SLC11A1: variants seen among roughly 807,000 people sequenced by gnomAD.
SLC11A1 encodes the protein natural resistance-associated macrophage protein 1.
In SLC11A1, 59 loss-of-function variants were observed where a neutral mutation model predicts 63.2. The observed-to-expected ratio is 0.93, with a 90% CI of 0.76 to 1.16. The LOEUF (loss-of-function observed/expected upper bound fraction) is 1.16. Ranked by LOEUF, SLC11A1 falls within the 50% of genes most tolerant of loss-of-function variation. The probability of loss-of-function intolerance (pLI) is 0.00; values close to 1 mark genes in which losing one functional copy is unlikely to be tolerated. For synonymous variants in SLC11A1, 305 were observed against 307.8 expected, an observed-to-expected ratio of 0.99 and a Z score of 0.09; for missense variants, 688 against 730.7, an observed-to-expected ratio of 0.94 and a Z score of 0.67.
intron 1 of SLC11A1, 116 bp from the exon 2 acceptor site, chr2:218,382,844 C>A: frequency 1.5e-6 from 2 of 1,318,248 alleles, no homozygotes; most frequent in Non-Finnish European, 1.1e-6. Context: ...AAGATGGGGG[C>A]CAGGGACCTT....
At position 218,384,914 on chromosome 2, in the gene SLC11A1, G is replaced by A. The variant is rs1695996336; in HGVS notation, c.274-233G>A. 2 of 475,978 alleles carry A rather than the reference G, an allele frequency of 4.2e-6. No homozygotes were observed. The highest frequency in any genetic ancestry group is 4.2e-5 in the South Asian group (2 of 47,972). The allele number at this position is 475,978 out of a possible 1,614,324, so 29.5% of individuals were successfully genotyped here. A position where few individuals can be genotyped will look rare whatever the true frequency, so the allele number is the denominator to read the frequency against. The stretch of plus-strand genomic sequence containing the variant: ...ATTTATTTATTTATTTAGAGATGGG[G>A]GTCTCACTATGTTGCTCAGGCTGCT... On this transcript the variant is annotated intron_variant, in intron 3 of 14. Coordinates refer to ENST00000233202, the MANE Select transcript of SLC11A1 (RefSeq NM_000578.4). This position sits in a 1 kb window ranked among gnomAD's most constrained non-coding sequence, Gnocchi z 4.0.
At chr2:218,388,168 C>T in intron 8 of SLC11A1, 2 of 567,928 alleles carry the variant, frequency 3.5e-6, no homozygotes, top group South Asian at 2.2e-5. Context: ...AAGAGATCGA[C>T]ACCATCCTGG....
intron 12 of SLC11A1, 122 bp from the exon 13 acceptor site, chr2:218,393,998 T>C (rs1317601968): frequency 1.2e-6 from 1 of 847,498 alleles, no homozygotes; most frequent in Non-Finnish European, 1.8e-6. Flanking sequence ...GTAGGCTCAG[T>C]GTGGTTAGGG....
At chr2:218,385,085 G>A (rs1462366019) in intron 3 of SLC11A1, 62 bp from the exon 4 acceptor site, 6 of 1,604,366 alleles carry the variant, frequency 3.7e-6, no homozygotes, top group Admixed American at 1.7e-5. Context: ...AGGGTACCAC[G>A]AGCTCAGGGG....
intron 4 of SLC11A1, 63 bp from the exon 5 acceptor site, chr2:218,386,572 T>C (rs1696116149): frequency 3.5e-6 from 4 of 1,133,568 alleles, no homozygotes; most frequent in Non-Finnish European, 5.2e-6. Flanking sequence ...CAGACAAATG[T>C]AGTCTGAGAC....
At chr2:218,394,541 C>G (rs1322319024) in intron 13 of SLC11A1, 91 bp from the exon 14 acceptor site, 1 of 1,419,702 alleles carries the variant, frequency 7.0e-7, no homozygotes, top group African/African-American at 1.4e-5. Context: ...TGTATCCCCA[C>G]CCCCAGTGTG....
chr2:218,392,968 A>T lies in SLC11A1; in HGVS notation c.1165-13A>T. 6.3e-7 allele frequency: 1 copy of T among 1,578,900 alleles called. No individual in the cohort carries two copies. Among genetic ancestry groups the T allele is most frequent in the African/African-American group, 1.4e-5 (1 of 73,184 alleles). Reference sequence around the variant, plus strand: ...CTGTCTACTCCTCACCAAGGAGTTCACCCCCACCCCAGGGCTTCCTGAGGC... The same window carrying T: ...CTGTCTACTCCTCACCAAGGAGTTCTCCCCCACCCCAGGGCTTCCTGAGGC... On this transcript the variant is annotated splice_polypyrimidine_tract_variant and intron_variant, in intron 11 of 14. Transcript: ENST00000233202.
Position 218,385,184 on chromosome 2 carries a change from T to C in SLC11A1, c.311T>C (p.Leu104Ser). Reference protein sequence around the residue: ...WVLLWATVLGLLCQRLAARLG... With the variant: ...WVLLWATVLGSLCQRLAARLG... ...CTGCTCTGGGCCACCGTGTTGGGCT[T>C]GCTCTGCCAGCGACTGGCTGCACGT... is the stretch of plus-strand genomic sequence containing the variant. Residue 104 changes from leucine to serine, a missense_variant, in exon 4 of 15, where the codon TTG becomes TCG. Physicochemically the swap from Leu to Ser is moderately radical, Grantham distance 145. Coordinates refer to ENST00000233202, the MANE Select transcript of SLC11A1 (RefSeq NM_000578.4). 6.2e-7 allele frequency: 1 copy of C among 1,614,046 alleles called. No individual in the cohort carries two copies.
At position 218,384,235 on chromosome 2, in the gene SLC11A1, C is replaced by A. The variant is rs974444906; in HGVS notation, c.151-8C>A. On this transcript the variant is annotated splice_polypyrimidine_tract_variant and splice_region_variant and intron_variant, in intron 2 of 14. Transcript: ENST00000233202. This position sits in a 1 kb window ranked among gnomAD's most constrained non-coding sequence, Gnocchi z 4.0. ...CCCCCTCACTCTACTCCTCCCACCC[C>A]CCAACAGGGCACCTTCAGCCTGCGG... 1 of 1,589,816 alleles carries A rather than the reference C, an allele frequency of 6.3e-7. No homozygotes were observed. The highest frequency in any genetic ancestry group is 1.3e-5 in the African/African-American group (1 of 74,498).
Position 218,394,164 on chromosome 2 carries a change from CA to C in SLC11A1, c.1360del (p.Thr454ProfsTer11). The C allele has an allele frequency of 6.2e-7, 1 of 1,614,178 alleles. No homozygotes were observed. Among genetic ancestry groups the C allele is most frequent in the East Asian group, 2.2e-5 (1 of 44,886 alleles). On this transcript the variant is annotated frameshift_variant, in exon 13 of 15. Transcript: ENST00000233202. LOFTEE classifies it high-confidence loss of function. Reference protein sequence around the residue: ...LPILTFTSMPTLMQEFANGLL... With the variant: ...LPILTFTSMPXLMQEFANGLL... ...CCATCCTCACGTTCACCAGCATGCC[CA>C]CCCTCATGCAGGAGTTTGCCAATGG...
intron 2 of SLC11A1, chr2:218,383,497 G>A (rs1250795309): frequency 6.2e-6 from 1 of 160,392 alleles, no homozygotes; most frequent in African/African-American, 2.5e-5. Context: ...CTCTTTTTTT[G>A]GAGATGGAGT....
At chr2:218,385,473 C>A (rs940735314) in intron 4 of SLC11A1, 3 of 624,246 alleles carry the variant, frequency 4.8e-6, no homozygotes, top group Non-Finnish European at 8.7e-6. Context: ...TCACTGCAAC[C>A]TCTACCTCCC....
chr2:218,390,987 A>C (rs912395495), intron 9 of SLC11A1, among the ~76,000 whole-genome samples: 1 of 152,200 alleles, frequency 6.6e-6, no homozygotes, highest in East Asian at 1.9e-4. Context: ...TTCAAGACCA[A>C]CCTGGGCAAC....
intron 11 of SLC11A1, chr2:218,391,708 T>C: frequency 1.1e-5 from 6 of 527,810 alleles, no homozygotes; most frequent in Non-Finnish European, 1.9e-5. Context: ...CACTGCAACC[T>C]CCCCCTCCCA....
In SLC11A1 at chr2:218,383,003, C is replaced by T. The variant is rs748024073; in HGVS notation, c.51C>T (p.Ser17=). The change falls in exon 2 of 15, where the codon TCC becomes TCT. Residue 17 remains serine, a synonymous_variant. Transcript: ENST00000233202. ...GGCTAAGCGGGTCCAGCTATGGTTCCATCTCCAGCCCGACCAGCCCGACCA... is the reference window on the plus strand; with the variant it reads ...GGCTAAGCGGGTCCAGCTATGGTTCTATCTCCAGCCCGACCAGCCCGACCA... ...PQRLSGSSYG[S]ISSPTSPTSP... The T allele has an allele frequency of 2.5e-6, 4 of 1,614,120 alleles. No homozygotes were observed. Among genetic ancestry groups the T allele is most frequent in the Non-Finnish European group, 3.4e-6 (4 of 1,180,026 alleles).
chr2:218,391,153 G>A (rs1342389668), intron 9 of SLC11A1, 45 bp from the exon 10 acceptor site: 13 of 1,568,226 alleles, frequency 8.3e-6, no homozygotes, highest in South Asian at 1.1e-5. Context: ...TCCCAAGGCT[G>A]AGCGTGCTCC....
intron 11 of SLC11A1, chr2:218,391,801 T>A (rs940674264): frequency 1.2e-5 from 4 of 327,294 alleles, no homozygotes; most frequent in Non-Finnish European, 2.3e-5. Flanking sequence ...TTTTGTACTT[T>A]TAGTAGAGAC....
At chr2:218,382,484 G>T in intron 1 of SLC11A1, 109 bp downstream of exon 1, 1 of 1,229,342 alleles carries the variant, frequency 8.1e-7, no homozygotes, top group Admixed American at 2.0e-5. Context: ...CCCTGTGGAA[G>T]CCTCTGGTCC....
Position 218,396,087 on chromosome 2 carries a change from G to C in SLC11A1, c.*1052G>C, listed in dbSNP as rs1042748820. On this transcript the variant is annotated 3_prime_UTR_variant, in exon 15 of 15. Transcript: ENST00000233202. ...CCCTCTCTGCTGACTGCTCCCCCTA[G>C]GGGCAGAGACGGTCCCGACGCCCGC... The C allele has an allele frequency of 6.6e-6, 1 of 152,246 alleles. No homozygotes were observed. Among genetic ancestry groups the C allele is most frequent in the Non-Finnish European group, 1.5e-5 (1 of 68,032 alleles). 9.4% of individuals were successfully genotyped at this position (152,246 alleles called of 1,614,324 possible). A position where few individuals can be genotyped will look rare whatever the true frequency, so the allele number is the denominator to read the frequency against.
Sources: gnomAD v4.1 joint callset for allele counts (sites outside exome capture counted in the v4.1 genomes callset) on GRCh38, gnomAD v4.1.1 for gene constraint, Gnocchi (gnomAD v3.1) non-coding constraint, MANE v1.5 for transcripts, NCBI Gene and HGNC (gene_info 2026-07-23, HGNC 2026-07-21) for gene names.